The following CRY1 variants were observed in gnomAD, a reference collection of about 807,000 sequenced individuals.
CRY1 encodes cryptochrome-1.
Under a neutral mutation model 76.0 loss-of-function variants are expected in CRY1, and 45 were observed. The observed-to-expected ratio is 0.59, with a 90% confidence interval of 0.47 to 0.76. The LOEUF (loss-of-function observed/expected upper bound fraction) is 0.76, where lower values mean the gene tolerates loss of function less well. CRY1 is among the 30% of genes least tolerant of loss of function. The pLI is 0.00. For missense variants in CRY1, 587 were observed against 716.4 expected, an observed-to-expected ratio of 0.82 and a Z score of 2.06; for synonymous variants, 248 against 244.0, an observed-to-expected ratio of 1.02 and a Z score of -0.15.
At chr12:107,024,658 T>G (rs1158977767) in intron 1 of CRY1, among the ~76,000 whole-genome samples, 1 of 152,208 alleles carries the variant, frequency 6.6e-6, no homozygotes, top group Non-Finnish European at 1.5e-5. Flanking sequence ...ATTATAGGCA[T>G]GAACCATCAC....
At chr12:107,020,693 C>T (rs183361259) in intron 2 of CRY1, among the ~76,000 whole-genome samples, 1 of 152,196 alleles carries the variant, frequency 6.6e-6, no homozygotes, top group Non-Finnish European at 1.5e-5. Flanking sequence ...TCCTGTACAG[C>T]CTGCAGAACT....
At chr12:107,063,489 G>T (rs1953073671) in intron 1 of CRY1, among the ~76,000 whole-genome samples, 1 of 152,164 alleles carries the variant, frequency 6.6e-6, no homozygotes, top group Non-Finnish European at 1.5e-5. Flanking sequence ...TGCTGACATG[G>T]AGATTAAAGG....
At position 107,005,141 on chromosome 12, in the gene CRY1, A is replaced by T; in HGVS notation, c.375T>A (p.Ile125=). The T allele has an allele frequency of 1.9e-6, 3 of 1,613,466 alleles. No homozygotes were observed. The Middle Eastern group carries it at 5.0e-4, about 267-fold the overall frequency. Residue 125 remains isoleucine, a synonymous_variant, in exon 3 of 13, where the codon ATT becomes ATA. Transcript: ENST00000008527. ...KLATEAGVEV[I]VRISHTLYDL... ...CATATAATGTATGTGAAATTCTTAC[A>T]ATGACTTCTACTCCAGCTTCAGTTG...
chr12:106,998,692 A>ACACACACACACACACAC (rs35847830), intron 7 of CRY1, among the ~76,000 whole-genome samples: 2 of 150,968 alleles, frequency 1.3e-5, no homozygotes, highest in South Asian at 2.1e-4. Flanking sequence ...ACACACACAC[A>ACACACACACACACACAC]AGCTCAGAAA....
Position 106,998,590 on chromosome 12 carries a change from T to C in CRY1, c.1138-524A>G, listed in dbSNP as rs550198736. On this transcript the variant is annotated intron_variant, in intron 7 of 12. Coordinates refer to ENST00000008527, the MANE Select transcript of CRY1 (RefSeq NM_004075.5). ...ATAGAATTAAAATAAATGATTTTTA[T>C]ATATATTCATTAAGTATGTTATATA... 2.2e-3 allele frequency among the ~76,000 whole-genome samples: 331 copies of C among 152,174 alleles called. 1 individual carries two copies. The highest frequency in any genetic ancestry group is 0.014 in the Middle Eastern group (4 of 294).
chr12:107,073,250 T>G (rs956410676), intron 1 of CRY1, among the ~76,000 whole-genome samples: 1 of 152,084 alleles, frequency 6.6e-6, no homozygotes, highest in African/African-American at 2.4e-5. Flanking sequence ...TCTCTTTTTT[T>G]TTTGAGACGA....
At chr12:107,038,475 A>G (rs1435162450) in intron 1 of CRY1, among the ~76,000 whole-genome samples, 1 of 152,214 alleles carries the variant, frequency 6.6e-6, no homozygotes, top group Non-Finnish European at 1.5e-5. Flanking sequence ...AGATGGATGG[A>G]TTGACTTATA....
At position 106,999,957 on chromosome 12, in the gene CRY1, T is replaced by C. The variant is rs1952284946; in HGVS notation, c.810A>G (p.Thr270=). 6.2e-7 allele frequency: 1 copy of C among 1,608,726 alleles called. No individual in the cohort carries two copies. Among genetic ancestry groups the C allele is most frequent in the Non-Finnish European group, 8.5e-7 (1 of 1,178,806 alleles). Residue 270 remains threonine (T), a synonymous_variant, in exon 6 of 13, where the codon ACA becomes ACG. Coordinates refer to ENST00000008527, the MANE Select transcript of CRY1 (RefSeq NM_004075.5). ...TAGAGAATACCTTTTTGTAGAGATCTGTTAGTTTGAAGTAAAACAGTCGAC... is the reference window on the plus strand; with the variant it reads ...TAGAGAATACCTTTTTGTAGAGATCCGTTAGTTTGAAGTAAAACAGTCGAC... ...LSCRLFYFKL[T]DLYKKVKKNS...
chr12:107,080,290 C>T (rs2136899124), intron 1 of CRY1, among the ~76,000 whole-genome samples: 1 of 152,078 alleles, frequency 6.6e-6, no homozygotes, highest in East Asian at 1.9e-4. Flanking sequence ...CTGTTTTGGA[C>T]AAGCTGAGTT....
chr12:107,071,025 GT>G lies in CRY1; in HGVS notation c.158+21778del, dbSNP rs1262083380. 1.5e-4 allele frequency among the ~76,000 whole-genome samples: 23 copies of G among 152,066 alleles called. No homozygotes were observed. In the East Asian group the frequency reaches 4.3e-3, roughly 28 times the overall value. On this transcript the variant is annotated intron_variant, in intron 1 of 12. Coordinates refer to ENST00000008527, the MANE Select transcript of CRY1 (RefSeq NM_004075.5). ...GGCCTGGATTCTCTTATTATTAATA[GT>G]ACCTTTTCAGTTGATTCTCCTAGAT...
chr12:107,018,578 C>T (rs1317232889), intron 2 of CRY1, among the ~76,000 whole-genome samples: 1 of 151,748 alleles, frequency 6.6e-6, no homozygotes, highest in African/African-American at 2.4e-5. Context: ...CAGAGCAAGA[C>T]TCTCTCTCAA....
intron 1 of CRY1, among the ~76,000 whole-genome samples, chr12:107,082,864 C>G (rs10861701): frequency 0.15 from 22,455 of 151,798 alleles, 1,994 homozygotes; most frequent in East Asian, 0.28. Context: ...CTGAAGGAGA[C>G]AGAGACACGA....
intron 2 of CRY1, among the ~76,000 whole-genome samples, chr12:107,018,187 G>A (rs1952517458): frequency 6.6e-6 from 1 of 152,176 alleles, no homozygotes; most frequent in Non-Finnish European, 1.5e-5. Flanking sequence ...GTTGAAAAAT[G>A]GTGGCTTTAT....
At chr12:107,084,128 G>A (rs1326063016) in intron 1 of CRY1, among the ~76,000 whole-genome samples, 1 of 152,186 alleles carries the variant, frequency 6.6e-6, no homozygotes, top group East Asian at 1.9e-4. Context: ...TACAAGGGAT[G>A]TGAAGGACCT....
At chr12:107,010,149 T>C (rs61942389) in intron 2 of CRY1, among the ~76,000 whole-genome samples, 1 of 147,158 alleles carries the variant, frequency 6.8e-6, no homozygotes, top group African/African-American at 2.5e-5. Context: ...ATCTCAGATA[T>C]ATAATTTATT....
chr12:107,004,931 G>T (rs1481161833), intron 3 of CRY1, among the ~76,000 whole-genome samples, 175 bp downstream of exon 3: 1 of 152,062 alleles, frequency 6.6e-6, no homozygotes, highest in Non-Finnish European at 1.5e-5. Flanking sequence ...TTTGACATAT[G>T]TTCACTTAAT....
chr12:107,044,955 T>C (rs906701733), intron 1 of CRY1, among the ~76,000 whole-genome samples: 2 of 152,144 alleles, frequency 1.3e-5, no homozygotes, highest in African/African-American at 4.8e-5. Context: ...GAAAAACCTA[T>C]TTAATGAAAT....
chr12:107,080,784 G>GT (rs1953313425), intron 1 of CRY1, among the ~76,000 whole-genome samples: 1 of 152,048 alleles, frequency 6.6e-6, no homozygotes, highest in Non-Finnish European at 1.5e-5. Context: ...GGGTTCAAGG[G>GT]TAAGTAGAAT....
intron 1 of CRY1, among the ~76,000 whole-genome samples, chr12:107,057,339 C>G (rs1360430350): frequency 2.0e-5 from 3 of 152,020 alleles, no homozygotes; most frequent in Non-Finnish European, 4.4e-5. Flanking sequence ...TAATAATCAG[C>G]AAATAATGGG....
Sources: gnomAD v4.1 joint callset for allele counts (sites outside exome capture counted in the v4.1 genomes callset) on GRCh38, gnomAD v4.1.1 for gene constraint, MANE v1.5 for transcripts, NCBI Gene and HGNC (gene_info 2026-07-23, HGNC 2026-07-21) for gene names.